Variants in HOOK1 observed in about 807,000 individuals in gnomAD.
The protein encoded by HOOK1 is protein Hook homolog 1.
Under a neutral mutation model 112.8 loss-of-function variants are expected in HOOK1, and 60 were observed. The ratio of observed to expected loss-of-function variants is 0.53; its 90% CI spans 0.43 to 0.66. HOOK1 has a LOEUF of 0.66. HOOK1 is among the 30% of genes least tolerant of loss of function. The probability of loss-of-function intolerance (pLI) is 0.00; values close to 1 mark genes in which losing one functional copy is unlikely to be tolerated. For synonymous variants in HOOK1, 294 were observed against 283.8 expected (o/e 1.04, Z -0.36); for missense variants, 770 against 856.0 (o/e 0.90, Z 1.25).
chr1:59,853,188 G>C (rs2098408163), intron 12 of HOOK1, among the ~76,000 whole-genome samples: 1 of 151,932 alleles, frequency 6.6e-6, no homozygotes, highest in Non-Finnish European at 1.5e-5. Flanking sequence ...GTTGTGTATA[G>C]TTCTATTATT....
At chr1:59,867,809 T>C (rs1310048114) in intron 19 of HOOK1, among the ~76,000 whole-genome samples, 1 of 152,162 alleles carries the variant, frequency 6.6e-6, no homozygotes, top group African/African-American at 2.4e-5. Context: ...GTAAAAAAGA[T>C]TATTGCTAAG....
intron 13 of HOOK1, among the ~76,000 whole-genome samples, 157 bp from the exon 14 acceptor site, chr1:59,858,828 G>A (rs1262357789): frequency 6.8e-6 from 1 of 147,238 alleles, no homozygotes; most frequent in Admixed American, 6.8e-5. Flanking sequence ...GAGAGGAGGA[G>A]GGAGGGGAGG....
Position 59,859,026 on chromosome 1 carries a change from AT to A in HOOK1, c.1374del (p.Met459CysfsTer38). 6.4e-7 allele frequency: 1 copy of A among 1,561,430 alleles called. No individual in the cohort carries two copies. Among genetic ancestry groups the A allele is most frequent in the Non-Finnish European group, 8.8e-7 (1 of 1,141,288 alleles). The part of the protein sequence containing the change: ...TKSYENLAAE[I>X]MPVEYREVFI... ...AAGTTATGAGAATCTTGCTGCTGAG[AT>A]TATGCCAGTGGAATATAGGTAAATT... On this transcript the variant is annotated frameshift_variant, in exon 14 of 22. Transcript: ENST00000371208. LOFTEE classifies it high-confidence loss of function.
chr1:59,821,502 G>T (rs1327526107), intron 1 of HOOK1, among the ~76,000 whole-genome samples: 2 of 152,104 alleles, frequency 1.3e-5, no homozygotes, highest in Non-Finnish European at 2.9e-5. Flanking sequence ...CAAATGTTGG[G>T]TTATCTTTAA....
At chr1:59,857,729 T>C (rs955861804) in intron 12 of HOOK1, among the ~76,000 whole-genome samples, 2 of 152,238 alleles carry the variant, frequency 1.3e-5, no homozygotes, top group African/African-American at 2.4e-5. Context: ...AGTAGTACTT[T>C]TCAAGTTCTG....
At chr1:59,833,589 AT>A (rs760936570) in intron 5 of HOOK1, 52 bp downstream of exon 5, 27 of 1,410,990 alleles carry the variant, frequency 1.9e-5, no homozygotes, top group Non-Finnish European at 2.6e-5. Context: ...AACTTTCTAC[AT>A]TGCTATATAA....
chr1:59,839,619 A>G (rs1388708986), intron 7 of HOOK1, among the ~76,000 whole-genome samples: 1 of 152,146 alleles, frequency 6.6e-6, no homozygotes, highest in African/African-American at 2.4e-5. Context: ...TAAATATACA[A>G]TCATGTCATC....
chr1:59,837,409 G>C (rs1453719634), intron 7 of HOOK1, among the ~76,000 whole-genome samples: 1 of 152,080 alleles, frequency 6.6e-6, no homozygotes, highest in East Asian at 1.9e-4. Flanking sequence ...AAGGGTAAAA[G>C]GAGAGGCAAA....
rs2098385921 is a variant in HOOK1 at position 59,821,835 on chromosome 1, T to A, written c.64-23T>A. On this transcript the variant is annotated intron_variant, in intron 1 of 21. Transcript: ENST00000371208. ...TTGTAGGTATAAAGAAGCAGTAAGA[T>A]CATTTGATTTATGTCATTTTAGCTG... 2.6e-6 allele frequency: 4 copies of A among 1,528,394 alleles called. No individual in the cohort carries two copies. The African/African-American group carries it at 4.2e-5, about 16-fold the overall frequency. 94.7% of individuals were successfully genotyped at this position (1,528,394 alleles called of 1,614,324 possible).
At chr1:59,843,801 A>G (rs532113271) in intron 9 of HOOK1, among the ~76,000 whole-genome samples, 1 of 152,156 alleles carries the variant, frequency 6.6e-6, no homozygotes, top group South Asian at 2.1e-4. Context: ...ACACATAAAA[A>G]CAAAACCATT....
chr1:59,860,701 C>T (rs542156423), intron 15 of HOOK1, among the ~76,000 whole-genome samples: 20 of 152,032 alleles, frequency 1.3e-4, no homozygotes, highest in African/African-American at 4.1e-4. Flanking sequence ...TCTCATGCCT[C>T]GGCCTCCTGA....
chr1:59,859,002 A>T lies in HOOK1; in HGVS notation c.1348A>T (p.Ser450Cys), dbSNP rs371358254. 1.9e-6 allele frequency: 3 copies of T among 1,575,598 alleles called. No homozygotes were observed. In the African/African-American group the frequency reaches 4.1e-5, roughly 21 times the overall value. ...TTTTTTAGATGCATCTGCTACAAAA[A>T]GTTATGAGAATCTTGCTGCTGAGAT... Reference protein sequence around the residue: ...LNQTDASATKSYENLAAEIMP... With the variant: ...LNQTDASATKCYENLAAEIMP... Residue 450 changes from serine to cysteine, a missense_variant, in exon 14 of 22, where the codon AGT becomes TGT. Coordinates refer to ENST00000371208, the MANE Select transcript of HOOK1 (RefSeq NM_015888.6).
intron 6 of HOOK1, among the ~76,000 whole-genome samples, chr1:59,835,720 G>A (rs959805810): frequency 1.3e-5 from 2 of 152,142 alleles, no homozygotes; most frequent in Non-Finnish European, 2.9e-5. Flanking sequence ...CAGACCCGGG[G>A]TGGCGGGCAG....
At chr1:59,845,299 G>A (rs1053798440) in intron 9 of HOOK1, among the ~76,000 whole-genome samples, 4 of 151,914 alleles carry the variant, frequency 2.6e-5, no homozygotes, top group Non-Finnish European at 4.4e-5. Context: ...TGGGGATTAG[G>A]TTTCAACATG....
chr1:59,834,140 CTTTAATCCGT>C (rs1315812974), intron 5 of HOOK1, among the ~76,000 whole-genome samples: 2 of 152,078 alleles, frequency 1.3e-5, no homozygotes, highest in African/African-American at 2.4e-5. Flanking sequence ...CCCTTGAGGG[CTTTAATCCGT>C]TTCGGTGGTG....
chr1:59,874,760 TGTGA>T lies in HOOK1; in HGVS notation c.*1798_*1801del, dbSNP rs1559066454. 1 of 152,646 alleles carries T rather than the reference TGTGA, an allele frequency of 6.6e-6. No homozygotes were observed. The highest frequency in any genetic ancestry group is 2.1e-4 in the South Asian group (1 of 4,824). 9.5% of individuals were successfully genotyped at this position (152,646 alleles called of 1,614,324 possible). A position where few individuals can be genotyped will look rare whatever the true frequency, so the allele number is the denominator to read the frequency against. ...TCATAGACTTTCTTTGCAAATACAG[TGTGA>T]GTATTGTTCCATTTACAGTATTATT... is the stretch of plus-strand genomic sequence containing the variant. On this transcript the variant is annotated 3_prime_UTR_variant, in exon 22 of 22. Transcript: ENST00000371208.
At chr1:59,871,631 G>C (rs1234970095) in intron 21 of HOOK1, among the ~76,000 whole-genome samples, 1 of 152,134 alleles carries the variant, frequency 6.6e-6, no homozygotes, top group Non-Finnish European at 1.5e-5. Flanking sequence ...AGTTTGAAAT[G>C]TGTTTTATTT....
intron 2 of HOOK1, among the ~76,000 whole-genome samples, chr1:59,823,138 G>C (rs1459736766): frequency 1.3e-5 from 2 of 152,158 alleles, no homozygotes; most frequent in African/African-American, 2.4e-5. Context: ...GGCTAACATG[G>C]TGAAACCCCA....
chr1:59,838,162 C>T (rs924848407), intron 7 of HOOK1, among the ~76,000 whole-genome samples: 8 of 152,112 alleles, frequency 5.3e-5, no homozygotes, highest in Admixed American at 1.3e-4. Context: ...AATACGTGTG[C>T]ATTTGTCTTT....
Sources: gnomAD v4.1 joint callset for allele counts (sites outside exome capture counted in the v4.1 genomes callset) on GRCh38, gnomAD v4.1.1 for gene constraint, MANE v1.5 for transcripts, NCBI Gene and HGNC (gene_info 2026-07-23, HGNC 2026-07-21) for gene names.